Variants in TCP11L2 observed in about 807,000 individuals in gnomAD.
TCP11L2 encodes T-complex protein 11-like protein 2.
In TCP11L2, 39 loss-of-function variants were observed where a neutral mutation model predicts 50.7. The ratio of observed to expected loss-of-function variants is 0.77; its 90% CI spans 0.60 to 1.01. TCP11L2 has a LOEUF of 1.01. Among genes scored for constraint, TCP11L2 ranks in the 50% least tolerant of loss-of-function variants. The probability of loss-of-function intolerance (pLI) is 0.00; values close to 1 mark genes in which losing one functional copy is unlikely to be tolerated. For missense variants in TCP11L2, 612 were observed against 614.7 expected (o/e 1.00, Z 0.05); for synonymous variants, 192 against 219.3 (o/e 0.88, Z 1.10).
chr12:106,330,378 C>T (rs1239306491), intron 6 of TCP11L2: 12 of 904,928 alleles, frequency 1.3e-5, no homozygotes, highest in South Asian at 5.1e-5. Context: ...CCACTGCCCC[C>T]GCCCCACAAC....
At chr12:106,333,011 C>A (rs750188624) in intron 6 of TCP11L2, among the ~76,000 whole-genome samples, 2 of 151,994 alleles carry the variant, frequency 1.3e-5, no homozygotes, top group African/African-American at 4.8e-5. Context: ...TGGGAGGTAA[C>A]GTGAGGAGAT....
At chr12:106,344,690 T>C (rs1592986002) in intron 9 of TCP11L2, among the ~76,000 whole-genome samples, 1 of 152,248 alleles carries the variant, frequency 6.6e-6, no homozygotes, top group Admixed American at 6.5e-5. Flanking sequence ...ATATTCAATG[T>C]GGCATATTTT....
chr12:106,298,817 C>A (rs2034378079), upstream of TCP11L2, among the ~76,000 whole-genome samples: 1 of 150,790 alleles, frequency 6.6e-6, no homozygotes. Context: ...ACCACCATGC[C>A]CGGCCATTTT....
At chr12:106,316,825 A>G (rs933018442) in intron 3 of TCP11L2, among the ~76,000 whole-genome samples, 3 of 152,322 alleles carry the variant, frequency 2.0e-5, no homozygotes, top group Non-Finnish European at 2.9e-5. Context: ...ATAAACATTT[A>G]TTGACTAATA....
chr12:106,308,876 C>T (rs1341668930), intron 1 of TCP11L2, among the ~76,000 whole-genome samples: 1 of 152,188 alleles, frequency 6.6e-6, no homozygotes, highest in Non-Finnish European at 1.5e-5. Context: ...TGAATGAATA[C>T]TTGTCATATA....
intron 6 of TCP11L2, 189 bp downstream of exon 6, chr12:106,323,835 G>A (rs1334615838): frequency 3.6e-6 from 1 of 277,666 alleles, no homozygotes; most frequent in Non-Finnish European, 6.1e-6. Flanking sequence ...TTTCATTTTT[G>A]ACTTCATATA....
intron 1 of TCP11L2, among the ~76,000 whole-genome samples, chr12:106,308,899 C>T (rs1448599654): frequency 6.6e-6 from 1 of 152,150 alleles, no homozygotes; most frequent in East Asian, 1.9e-4. Flanking sequence ...TGGCGCTGGT[C>T]ATGGACAAGA....
Position 106,336,016 on chromosome 12 carries a change from T to G in TCP11L2, c.961-16T>G. On this transcript the variant is annotated splice_polypyrimidine_tract_variant and intron_variant, in intron 7 of 9. Transcript: ENST00000299045. ...AGCTACCCTTTCTATTTTTATATTT[T>G]AAATAAATATGTTAGACACTTATGA... The G allele has an allele frequency of 1.3e-6, 2 of 1,563,350 alleles. No homozygotes were observed. Among genetic ancestry groups the G allele is most frequent in the Non-Finnish European group, 1.7e-6 (2 of 1,160,254 alleles).
intron 1 of TCP11L2, among the ~76,000 whole-genome samples, chr12:106,305,668 T>G (rs777492075): frequency 6.6e-6 from 1 of 152,242 alleles, no homozygotes. Context: ...AGCGGTGTTC[T>G]AAGCTCTAGC....
Position 106,311,063 on chromosome 12 carries a change from T to G in TCP11L2, c.-13T>G, listed in dbSNP as rs367569137. 6.2e-7 allele frequency: 1 copy of G among 1,613,716 alleles called. No homozygotes were observed. Among genetic ancestry groups the G allele is most frequent in the Non-Finnish European group, 8.5e-7 (1 of 1,179,768 alleles). On this transcript the variant is annotated 5_prime_UTR_variant, in exon 2 of 10. Transcript: ENST00000299045. Reference sequence around the variant, plus strand: ...CAGGTGCTACCTTTTTACCCACACTTAAGTGACGCAAAATGCCCTTCAATG... The same window carrying G: ...CAGGTGCTACCTTTTTACCCACACTGAAGTGACGCAAAATGCCCTTCAATG...
chr12:106,322,647 T>C (rs577517851), intron 5 of TCP11L2, among the ~76,000 whole-genome samples: 4 of 152,304 alleles, frequency 2.6e-5, no homozygotes, highest in Non-Finnish European at 5.9e-5. Flanking sequence ...GTTTTCTTTT[T>C]TGTGTATGGT....
chr12:106,345,244 C>T (rs1199111640), intron 9 of TCP11L2, among the ~76,000 whole-genome samples: 2 of 152,182 alleles, frequency 1.3e-5, no homozygotes, highest in African/African-American at 4.8e-5. Context: ...CAGTCTCCCA[C>T]CTCGGCCTCC....
At chr12:106,307,365 C>G (rs1159748560) in intron 1 of TCP11L2, 3 of 152,098 alleles carry the variant, frequency 2.0e-5, no homozygotes, top group South Asian at 4.1e-4. Context: ...TGATTAAATC[C>G]TCCAGGTATG....
At position 106,312,387 on chromosome 12, in the gene TCP11L2, G is replaced by A. The variant is rs753287383; in HGVS notation, c.157+1155G>A. 1.6e-4 allele frequency: 196 copies of A among 1,236,722 alleles called. 1 individual carries two copies. Among genetic ancestry groups the A allele is most frequent in the Non-Finnish European group, 2.0e-4 (191 of 971,672 alleles). 76.6% of individuals were successfully genotyped at this position (1,236,722 alleles called of 1,614,324 possible). ...CAAAGTATATAGACATTTTTAAGGAGAATCTTGAGTCAGACCTGGCAAAAG... is the reference window on the plus strand; with the variant it reads ...CAAAGTATATAGACATTTTTAAGGAAAATCTTGAGTCAGACCTGGCAAAAG... On this transcript the variant is annotated intron_variant, in intron 2 of 9. Coordinates refer to ENST00000299045, the MANE Select transcript of TCP11L2 (RefSeq NM_152772.3).
intron 2 of TCP11L2, among the ~76,000 whole-genome samples, chr12:106,311,830 CTT>C (rs888379355): frequency 6.9e-6 from 1 of 145,120 alleles, no homozygotes. Context: ...ATGTGTTTGC[CTT>C]TTTTTTTTTA....
At chr12:106,312,809 G>A (rs530203263) in intron 2 of TCP11L2, among the ~76,000 whole-genome samples, 2 of 152,272 alleles carry the variant, frequency 1.3e-5, no homozygotes, top group African/African-American at 4.8e-5. Context: ...TTGAACCTGG[G>A]AGGTGGAGGT....
intron 2 of TCP11L2, 94 bp downstream of exon 2, chr12:106,311,326 C>T (rs1475574429): frequency 1.4e-6 from 2 of 1,394,816 alleles, no homozygotes; most frequent in Non-Finnish European, 9.7e-7. Context: ...GAGCAACAGA[C>T]TTCCCCTCCT....
intron 6 of TCP11L2, among the ~76,000 whole-genome samples, chr12:106,334,870 G>T (rs2035861196): frequency 6.6e-6 from 1 of 152,116 alleles, no homozygotes; most frequent in African/African-American, 2.4e-5. Context: ...GAACATGGGA[G>T]GTGGAGGTTG....
intron 8 of TCP11L2, among the ~76,000 whole-genome samples, chr12:106,340,270 T>C (rs1050096783): frequency 7.2e-5 from 11 of 152,248 alleles, no homozygotes; most frequent in Non-Finnish European, 1.5e-4. Flanking sequence ...TTCTGGACTC[T>C]ATATATTGGA....
Sources: gnomAD v4.1 joint callset for allele counts (sites outside exome capture counted in the v4.1 genomes callset) on GRCh38, gnomAD v4.1.1 for gene constraint, MANE v1.5 for transcripts, NCBI Gene and HGNC (gene_info 2026-07-23, HGNC 2026-07-21) for gene names.